The following SFMBT1 variants were observed in gnomAD, a reference collection of about 807,000 sequenced individuals.
SFMBT1 encodes Scm like with four mbt domains 1.
Under a neutral mutation model 108.7 loss-of-function variants are expected in SFMBT1, and 32 were observed. The ratio of observed to expected loss-of-function variants is 0.29; its 90% CI spans 0.22 to 0.40. SFMBT1 has a LOEUF of 0.40. Among genes scored for constraint, SFMBT1 ranks in the 10% least tolerant of loss-of-function variants. The pLI is 1.00. For missense variants in SFMBT1, 816 were observed against 1,059.6 expected, an observed-to-expected ratio of 0.77 and a Z score of 3.19; for synonymous variants, 348 against 369.5, an observed-to-expected ratio of 0.94 and a Z score of 0.67.
At chr3:52,920,158 T>C (rs1466873387) in intron 12 of SFMBT1, among the ~76,000 whole-genome samples, 2 of 152,214 alleles carry the variant, frequency 1.3e-5, no homozygotes, top group Non-Finnish European at 2.9e-5. Context: ...ATTTCTGTTA[T>C]TTATAAACTT....
At chr3:52,985,443 T>A (rs1704871040) in intron 1 of SFMBT1, among the ~76,000 whole-genome samples, 3 of 152,360 alleles carry the variant, frequency 2.0e-5, no homozygotes, top group Admixed American at 6.5e-5. Context: ...TACTAAATAA[T>A]TAGGCACACA....
Position 52,907,129 on chromosome 3 carries a change from T to C in SFMBT1, c.2271A>G (p.Arg757=), listed in dbSNP as rs1246621134. The C allele has an allele frequency of 2.5e-6, 4 of 1,614,074 alleles. No homozygotes were observed. The Admixed American group carries it at 6.7e-5, about 27-fold the overall frequency. The change falls in exon 19 of 21, where the codon AGA becomes AGG. Residue 757 remains arginine (R), a synonymous_variant. Transcript: ENST00000394752. ...ATGAAAAGGTGCGAAGCTCCCTTTT[T>C]CTCCTTTGTCTATCTGGAGGCAGCG... ...STSLPPDRQR[R]KRELRTFSFS... is the part of the protein sequence containing the mutation.
chr3:53,031,871 A>G (rs1699699284), intron 1 of SFMBT1, among the ~76,000 whole-genome samples: 1 of 152,228 alleles, frequency 6.6e-6, no homozygotes, highest in African/African-American at 2.4e-5. Context: ...AATATTCTCT[A>G]TAGAGTGGCT....
intron 1 of SFMBT1, among the ~76,000 whole-genome samples, chr3:53,006,288 G>A (rs561944311): frequency 6.6e-6 from 1 of 152,266 alleles, no homozygotes; most frequent in East Asian, 1.9e-4. Flanking sequence ...ACGGAATGGG[G>A]AGGAAGAGCC....
In SFMBT1 at chr3:52,904,062, A is replaced by G. The variant is rs1489544629; in HGVS notation, c.*1074T>C. 2.0e-5 allele frequency: 3 copies of G among 152,160 alleles called. No homozygotes were observed. The highest frequency in any genetic ancestry group is 4.4e-5 in the Non-Finnish European group (3 of 68,026). The allele number at this position is 152,160 out of a possible 1,614,324, so 9.4% of individuals were successfully genotyped here. A position where few individuals can be genotyped will look rare whatever the true frequency, so the allele number is the denominator to read the frequency against. On this transcript the variant is annotated 3_prime_UTR_variant, in exon 21 of 21. Transcript: ENST00000394752. ...TCCATGCTCTGCGTTACCCTCCAAAACATGTTTTCTGTGCTGTGCTTCTAC... is the reference window on the plus strand; with the variant it reads ...TCCATGCTCTGCGTTACCCTCCAAAGCATGTTTTCTGTGCTGTGCTTCTAC...
intron 1 of SFMBT1, among the ~76,000 whole-genome samples, chr3:52,976,495 G>C (rs989167632): frequency 6.6e-6 from 1 of 151,982 alleles, no homozygotes; most frequent in African/African-American, 2.4e-5. Context: ...TGAATTAAAA[G>C]AGAAAAACAT....
At chr3:52,973,651 C>T (rs560011022) in intron 1 of SFMBT1, among the ~76,000 whole-genome samples, 1 of 151,648 alleles carries the variant, frequency 6.6e-6, no homozygotes, top group South Asian at 2.1e-4. Context: ...GGTTTTTTTA[C>T]ACACAGTATC....
At chr3:53,034,295 G>A (rs1172093077) in intron 1 of SFMBT1, among the ~76,000 whole-genome samples, 1 of 152,104 alleles carries the variant, frequency 6.6e-6, no homozygotes, top group Non-Finnish European at 1.5e-5. Context: ...TTCATCACTG[G>A]CACGGGCATG....
At chr3:53,039,096 GCT>G (rs1372563038) in intron 1 of SFMBT1, among the ~76,000 whole-genome samples, 1 of 152,076 alleles carries the variant, frequency 6.6e-6, no homozygotes, top group Non-Finnish European at 1.5e-5. Flanking sequence ...GTCACAATCT[GCT>G]CTGTTTCTTT....
At chr3:52,975,525 C>A (rs147297656) in intron 1 of SFMBT1, among the ~76,000 whole-genome samples, 3 of 152,018 alleles carry the variant, frequency 2.0e-5, no homozygotes, top group Non-Finnish European at 4.4e-5. Context: ...CTCATCTCTA[C>A]GAAAAATTTA....
At chr3:52,977,116 G>A (rs1035080941) in intron 1 of SFMBT1, among the ~76,000 whole-genome samples, 4 of 152,264 alleles carry the variant, frequency 2.6e-5, no homozygotes, top group South Asian at 2.1e-4. Flanking sequence ...TTCAAAGAAA[G>A]AGTTTAAACT....
intron 1 of SFMBT1, among the ~76,000 whole-genome samples, chr3:52,972,395 G>C (rs2106864472): frequency 6.6e-6 from 1 of 152,260 alleles, no homozygotes; most frequent in South Asian, 2.1e-4. Context: ...GAAGTCTTCT[G>C]CTGTGGAACA....
chr3:52,906,009 G>T, intron 20 of SFMBT1, 104 bp downstream of exon 20: 1 of 1,325,524 alleles, frequency 7.5e-7, no homozygotes, highest in Non-Finnish European at 1.0e-6. Flanking sequence ...TTGTCTTTTG[G>T]ATCAAAACAT....
chr3:53,026,230 T>C (rs1359247841), intron 1 of SFMBT1, among the ~76,000 whole-genome samples: 1 of 152,170 alleles, frequency 6.6e-6, no homozygotes, highest in Non-Finnish European at 1.5e-5. Flanking sequence ...TAAGCTGTAA[T>C]AAAAAGGCAC....
intron 3 of SFMBT1, among the ~76,000 whole-genome samples, chr3:52,944,000 A>G (rs926359430): frequency 1.3e-5 from 2 of 152,228 alleles, no homozygotes; most frequent in Middle Eastern, 3.2e-3. Flanking sequence ...AAATTAGTAC[A>G]ATATGTACCA....
chr3:52,973,285 G>A (rs1186261573), intron 1 of SFMBT1, among the ~76,000 whole-genome samples: 2 of 152,018 alleles, frequency 1.3e-5, no homozygotes, highest in East Asian at 3.8e-4. Context: ...TAACTGATCT[G>A]GATCTTACTC....
At chr3:52,941,314 C>T (rs1703173107) in intron 4 of SFMBT1, among the ~76,000 whole-genome samples, 1 of 152,122 alleles carries the variant, frequency 6.6e-6, no homozygotes, top group Admixed American at 6.5e-5. Context: ...GAGTTATTGG[C>T]CAGGCGCGGT....
intron 3 of SFMBT1, among the ~76,000 whole-genome samples, chr3:52,948,622 C>G (rs987420132): frequency 1.3e-5 from 2 of 149,580 alleles, no homozygotes; most frequent in African/African-American, 4.9e-5. Context: ...TTGGAGTTGC[C>G]TTACAATTAT....
At chr3:52,953,709 T>A (rs1687258843) in intron 3 of SFMBT1, among the ~76,000 whole-genome samples, 1 of 152,100 alleles carries the variant, frequency 6.6e-6, no homozygotes, top group African/African-American at 2.4e-5. Flanking sequence ...TGTAACAAAG[T>A]ACAATAATTT....
Sources: allele counts gnomAD v4.1 joint callset (sites outside exome capture counted in the v4.1 genomes callset), GRCh38; gene constraint gnomAD v4.1.1; transcripts MANE v1.5; gene names NCBI Gene and HGNC (gene_info 2026-07-23, HGNC 2026-07-21).